Variants in CDKAL1 observed in about 807,000 individuals in gnomAD.
The protein encoded by CDKAL1 is threonylcarbamoyladenosine tRNA methylthiotransferase.
Under a neutral mutation model 68.2 loss-of-function variants are expected in CDKAL1, and 32 were observed. That is an observed-to-expected ratio of 0.47 (90% CI 0.35 to 0.63). The LOEUF is 0.63. Among genes scored for constraint, CDKAL1 ranks in the 30% least tolerant of loss-of-function variants. CDKAL1 has a pLI of 0.00. For missense variants in CDKAL1, 606 were observed against 696.7 expected, an observed-to-expected ratio of 0.87 and a Z score of 1.47; for synonymous variants, 234 against 244.3, an observed-to-expected ratio of 0.96 and a Z score of 0.39.
intron 13 of CDKAL1, among the ~76,000 whole-genome samples, chr6:21,166,817 C>G (rs987987166): frequency 6.6e-5 from 10 of 152,174 alleles, no homozygotes; most frequent in Admixed American, 3.9e-4. Context: ...CCTCATTGTA[C>G]CCCACTCTGA....
chr6:20,664,288 C>T (rs974475471), intron 5 of CDKAL1, among the ~76,000 whole-genome samples: 4 of 144,296 alleles, frequency 2.8e-5, no homozygotes, highest in Non-Finnish European at 6.1e-5. Context: ...GACAGAATCA[C>T]ATGATAGAAA....
At chr6:21,108,974 C>A (rs1002062846) in intron 13 of CDKAL1, among the ~76,000 whole-genome samples, 2 of 152,178 alleles carry the variant, frequency 1.3e-5, no homozygotes, top group Admixed American at 1.3e-4. Context: ...CCCACATGTA[C>A]CCATCCCACA....
At chr6:20,544,941 G>A (rs1271667191) in intron 2 of CDKAL1, among the ~76,000 whole-genome samples, 1 of 149,142 alleles carries the variant, frequency 6.7e-6, no homozygotes, top group Non-Finnish European at 1.5e-5. Flanking sequence ...CCTTTGTAGC[G>A]TGCCTGGGGG....
At chr6:20,940,826 C>T (rs111777044) in intron 9 of CDKAL1, among the ~76,000 whole-genome samples, 13,874 of 152,260 alleles carry the variant, frequency 0.091, 1,105 homozygotes, top group African/African-American at 0.22. Flanking sequence ...CACTGTGGCT[C>T]ACGCCTGTAA....
intron 9 of CDKAL1, among the ~76,000 whole-genome samples, chr6:20,933,016 A>G (rs970709011): frequency 5.9e-5 from 9 of 152,306 alleles, no homozygotes; most frequent in African/African-American, 1.2e-4. Flanking sequence ...GAGTTAATCA[A>G]TGAAGGAGCC....
intron 4 of CDKAL1, among the ~76,000 whole-genome samples, chr6:20,575,382 G>A (rs1271853725): frequency 4.1e-5 from 6 of 146,344 alleles, no homozygotes; most frequent in Non-Finnish European, 7.4e-5. Flanking sequence ...GGGACCATCT[G>A]CTGTGGTTCC....
In CDKAL1 at chr6:20,748,554, GGAAAAAAAAAAAAAAAAAAAAAAA is replaced by G. The variant is rs1319263044; in HGVS notation, c.468+8940_468+8963del. Among the ~76,000 whole-genome samples, 640 of 77,020 alleles carry G rather than the reference GGAAAAAAAAAAAAAAAAAAAAAAA, an allele frequency of 8.3e-3. 23 individuals carry two copies. Among genetic ancestry groups the G allele is most frequent in the African/African-American group, 0.022 (455 of 21,004 alleles). 50.5% of individuals were successfully genotyped at this position (77,020 alleles called of 152,430 possible). On this transcript the variant is annotated intron_variant, in intron 6 of 15. Coordinates refer to ENST00000274695, the MANE Select transcript of CDKAL1 (RefSeq NM_017774.3). Reference sequence around the variant, plus strand: ...GGAAAGAGAGCAAGACTCTGTTTCTGGAAAAAAAAAAAAAAAAAAAAAAAAAAAAAAAAAAAAAAAAGCTATAGT... The same window carrying G: ...GGAAAGAGAGCAAGACTCTGTTTCTGAAAAAAAAAAAAAAAAAGCTATAGT...
rs145852360 is a variant in CDKAL1, at chr6:21,215,637, C to G, written c.1548+14363C>G. ...AAGGGTTGGATCTGGTAAAAAGAAT[C>G]TGAAATCTAAACGTTAATGGAAGCT... On this transcript the variant is annotated intron_variant, in intron 15 of 15. Transcript: ENST00000274695. 1.7e-3 allele frequency among the ~76,000 whole-genome samples: 264 copies of G among 152,218 alleles called. 1 individual carries two copies. Among genetic ancestry groups the G allele is most frequent in the East Asian group, 9.6e-3 (50 of 5,184 alleles).
At position 20,961,525 on chromosome 6, in the gene CDKAL1, C is replaced by G. The variant is rs1224935477; in HGVS notation, c.909+5940C>G. Among the ~76,000 whole-genome samples, 3 of 151,980 alleles carry G rather than the reference C, an allele frequency of 2.0e-5. 1 individual carries two copies. In the South Asian group the frequency reaches 6.2e-4, roughly 32 times the overall value. On this transcript the variant is annotated intron_variant, in intron 10 of 15. Coordinates refer to ENST00000274695, the MANE Select transcript of CDKAL1 (RefSeq NM_017774.3). The stretch of plus-strand genomic sequence containing the variant: ...GCTCACGCCTGTAATCCCAGCACTT[C>G]GGGAGGCCGAGGCGGGTGGATCACG...
At chr6:20,991,003 T>C (rs905316462) in intron 10 of CDKAL1, among the ~76,000 whole-genome samples, 22 of 152,192 alleles carry the variant, frequency 1.4e-4, no homozygotes, top group African/African-American at 4.8e-4. Context: ...AAACAAGATA[T>C]ACCTGTGGGA....
intron 5 of CDKAL1, among the ~76,000 whole-genome samples, chr6:20,695,147 T>A (rs1008947002): frequency 1.3e-5 from 2 of 152,336 alleles, no homozygotes; most frequent in Non-Finnish European, 2.9e-5. Context: ...TTCTGAAAGA[T>A]GTAGATCTAG....
intron 13 of CDKAL1, among the ~76,000 whole-genome samples, chr6:21,145,998 A>G (rs575386569): frequency 6.6e-6 from 1 of 152,254 alleles, no homozygotes; most frequent in Non-Finnish European, 1.5e-5. Flanking sequence ...TAAAGGTTCT[A>G]GTGGACTAGA....
At chr6:21,065,855 T>C (rs1036682693) in intron 12 of CDKAL1, among the ~76,000 whole-genome samples, 1 of 151,980 alleles carries the variant, frequency 6.6e-6, no homozygotes, top group Non-Finnish European at 1.5e-5. Context: ...ATATCTACTT[T>C]CTAGATTCAT....
intron 13 of CDKAL1, among the ~76,000 whole-genome samples, chr6:21,167,269 G>T (rs930331135): frequency 1.3e-5 from 2 of 152,120 alleles, no homozygotes; most frequent in Non-Finnish European, 2.9e-5. Context: ...GTTTAGAGTT[G>T]CTTTTCTAAA....
chr6:21,179,127 T>C (rs993012621), intron 13 of CDKAL1, among the ~76,000 whole-genome samples: 14 of 152,218 alleles, frequency 9.2e-5, no homozygotes, highest in African/African-American at 3.4e-4. Context: ...TGGCACTGCT[T>C]TTATGCTGTC....
intron 9 of CDKAL1, among the ~76,000 whole-genome samples, chr6:20,858,221 C>A (rs1394769916): frequency 2.0e-5 from 3 of 152,172 alleles, no homozygotes; most frequent in African/African-American, 7.2e-5. Flanking sequence ...TGATACTGAG[C>A]TAGGCTTACA....
intron 5 of CDKAL1, among the ~76,000 whole-genome samples, chr6:20,725,612 C>T (rs939375986): frequency 6.6e-6 from 1 of 151,876 alleles, no homozygotes; most frequent in African/African-American, 2.4e-5. Flanking sequence ...TGGAGAAACC[C>T]TGTCTCTACT....
At chr6:20,878,861 C>G (rs1353215395) in intron 9 of CDKAL1, among the ~76,000 whole-genome samples, 4 of 150,192 alleles carry the variant, frequency 2.7e-5, no homozygotes, top group African/African-American at 9.8e-5. Flanking sequence ...GGCGGATCAC[C>G]TGAGGTCAGG....
rs969152048 is a variant in CDKAL1 at position 20,781,130 on chromosome 6, G to A, written c.518-15G>A. 6 of 1,610,792 alleles carry A rather than the reference G, an allele frequency of 3.7e-6. No individual in the cohort carries two copies. Among genetic ancestry groups the A allele is most frequent in the Non-Finnish European group, 5.1e-6 (6 of 1,179,104 alleles). ...GTAACTCTTGCTAATGTATATTTAT[G>A]TGCTTGATTTGAAGGTCACTCTGTG... On this transcript the variant is annotated splice_polypyrimidine_tract_variant and intron_variant, in intron 7 of 15. Transcript: ENST00000274695.
Sources: gnomAD v4.1 joint callset for allele counts (sites outside exome capture counted in the v4.1 genomes callset) on GRCh38, gnomAD v4.1.1 for gene constraint, MANE v1.5 for transcripts, NCBI Gene and HGNC (gene_info 2026-07-23, HGNC 2026-07-21) for gene names.